The following GRM5 variants were observed in gnomAD, a reference collection of about 807,000 sequenced individuals.
GRM5 encodes glutamate metabotropic receptor 5.
In GRM5, 19 loss-of-function variants were observed where a neutral mutation model predicts 83.1. That is an observed-to-expected ratio of 0.23 (90% CI 0.16 to 0.34). GRM5 has a LOEUF of 0.34. Ranked by LOEUF, GRM5 falls within the 10% of genes least tolerant of loss-of-function variation. The pLI, the probability that GRM5 is intolerant of heterozygous loss-of-function variation, is 1.00. For synonymous variants in GRM5, 675 were observed against 633.6 expected, an observed-to-expected ratio of 1.07 and a Z score of -0.98; for missense variants, 1,160 against 1,588.3, an observed-to-expected ratio of 0.73 and a Z score of 4.58.
chr11:88,850,323 C>A (rs1167010167), intron 2 of GRM5, among the ~76,000 whole-genome samples, 168 bp from the exon 3 acceptor site: 1 of 152,076 alleles, frequency 6.6e-6, no homozygotes, highest in African/African-American at 2.4e-5. Flanking sequence ...TTATTTTGGG[C>A]AAATTACAAT....
intron 2 of GRM5, among the ~76,000 whole-genome samples, chr11:89,020,246 G>A (rs953535368): frequency 6.6e-6 from 1 of 152,192 alleles, no homozygotes; most frequent in Non-Finnish European, 1.5e-5. Context: ...TTTAAGCCCA[G>A]GTGTTTGGAC....
chr11:88,767,924 A>G (rs1237318689), intron 3 of GRM5, among the ~76,000 whole-genome samples: 1 of 152,010 alleles, frequency 6.6e-6, no homozygotes, highest in Non-Finnish European at 1.5e-5. Flanking sequence ...CAACACTATA[A>G]AAAGAAAAAA....
intron 3 of GRM5, among the ~76,000 whole-genome samples, chr11:88,711,168 T>A (rs914200181): frequency 3.9e-5 from 6 of 152,012 alleles, no homozygotes; most frequent in African/African-American, 1.4e-4. Flanking sequence ...GATACGAAAG[T>A]TTGAATGAAG....
intron 3 of GRM5, among the ~76,000 whole-genome samples, chr11:88,758,997 G>T (rs1942452894): frequency 6.6e-6 from 1 of 152,086 alleles, no homozygotes; most frequent in Non-Finnish European, 1.5e-5. Context: ...CTTCATACAT[G>T]AAGGAGAAAT....
intron 2 of GRM5, among the ~76,000 whole-genome samples, chr11:89,039,785 T>A (rs1378642768): frequency 2.0e-5 from 3 of 152,180 alleles, no homozygotes; most frequent in Non-Finnish European, 2.9e-5. Flanking sequence ...CCATTTGGGC[T>A]ACTCTCCTTT....
At chr11:88,582,017 C>G (rs1307509539) in intron 7 of GRM5, among the ~76,000 whole-genome samples, 2 of 152,152 alleles carry the variant, frequency 1.3e-5, no homozygotes, top group Non-Finnish European at 2.9e-5. Context: ...CGTTTACTCC[C>G]ATCCTAGCAC....
intron 2 of GRM5, among the ~76,000 whole-genome samples, chr11:89,033,462 G>T (rs916615961): frequency 1.3e-5 from 2 of 151,928 alleles, no homozygotes; most frequent in Non-Finnish European, 2.9e-5. Context: ...ATTAGAAATT[G>T]TGTACAATCT....
chr11:88,711,969 G>A (rs908783468), intron 3 of GRM5, among the ~76,000 whole-genome samples: 1 of 152,054 alleles, frequency 6.6e-6, no homozygotes, highest in African/African-American at 2.4e-5. Context: ...CAAGCATTAT[G>A]TCTCGTTCAT....
intron 3 of GRM5, among the ~76,000 whole-genome samples, chr11:88,746,473 C>T (rs1472473039): frequency 6.6e-6 from 1 of 151,514 alleles, no homozygotes; most frequent in Non-Finnish European, 1.5e-5. Context: ...ATATCATATA[C>T]AAACAAACAA....
chr11:88,634,557 C>T (rs1317458947), intron 4 of GRM5, among the ~76,000 whole-genome samples: 1 of 151,992 alleles, frequency 6.6e-6, no homozygotes, highest in Non-Finnish European at 1.5e-5. Flanking sequence ...TCACTGTCTC[C>T]CACCTCCACA....
intron 8 of GRM5, among the ~76,000 whole-genome samples, chr11:88,537,176 A>C (rs1433502837): frequency 6.6e-6 from 1 of 152,202 alleles, no homozygotes; most frequent in Non-Finnish European, 1.5e-5. Context: ...CATGAAGTTA[A>C]TAGTGTATAC....
At chr11:89,025,955 A>G (rs1941120767) in intron 2 of GRM5, among the ~76,000 whole-genome samples, 1 of 152,254 alleles carries the variant, frequency 6.6e-6, no homozygotes, top group Non-Finnish European at 1.5e-5. Context: ...ACTGTGGAGT[A>G]GATTTAAAAA....
chr11:88,535,717 A>G (rs1180107280), intron 8 of GRM5, among the ~76,000 whole-genome samples: 1 of 152,028 alleles, frequency 6.6e-6, no homozygotes, highest in Non-Finnish European at 1.5e-5. Context: ...TTGTTATAGC[A>G]TTTACTTAGG....
intron 8 of GRM5, among the ~76,000 whole-genome samples, chr11:88,539,682 A>G (rs1214217155): frequency 6.6e-6 from 1 of 152,148 alleles, no homozygotes. Context: ...CTTTTAAGTT[A>G]ATGCATCTTT....
rs1484402522 is a variant in GRM5, at chr11:88,780,858, C to G, written c.911+69048G>C. Among the ~76,000 whole-genome samples, 4 of 152,104 alleles carry G rather than the reference C, an allele frequency of 2.6e-5. No homozygotes were observed. The East Asian group carries it at 7.7e-4, about 29-fold the overall frequency. ...TGAAAAAGTGTTCAGTATAACTTCT[C>G]AGAAGCAAATTCCAATTACCAAGGG... On this transcript the variant is annotated intron_variant, in intron 3 of 9. Coordinates refer to ENST00000305447, the MANE Select transcript of GRM5 (RefSeq NM_001143831.3).
At chr11:88,935,051 T>A (rs586488) in intron 2 of GRM5, among the ~76,000 whole-genome samples, 80,543 of 151,662 alleles carry the variant, frequency 0.53, 22,063 homozygotes, top group South Asian at 0.67. Flanking sequence ...AATTCTCACA[T>A]GAACACTATA....
intron 2 of GRM5, among the ~76,000 whole-genome samples, chr11:88,953,217 C>G (rs1261707462): frequency 6.6e-6 from 1 of 152,158 alleles, no homozygotes; most frequent in African/African-American, 2.4e-5. Context: ...GAGAAAGGAT[C>G]AAGACACAAT....
chr11:89,055,654 A>G (rs1207112974), intron 1 of GRM5, among the ~76,000 whole-genome samples: 2 of 151,874 alleles, frequency 1.3e-5, no homozygotes, highest in Non-Finnish European at 2.9e-5. Flanking sequence ...CTCTTATATA[A>G]TTTTCAAAGC....
At chr11:88,626,153 C>T (rs915638433) in intron 4 of GRM5, among the ~76,000 whole-genome samples, 2 of 152,110 alleles carry the variant, frequency 1.3e-5, no homozygotes, top group Non-Finnish European at 2.9e-5. Context: ...TAACAACTTG[C>T]CCAAGGTTAC....
Sources: allele counts gnomAD v4.1 joint callset (sites outside exome capture counted in the v4.1 genomes callset), GRCh38; gene constraint gnomAD v4.1.1; transcripts MANE v1.5; gene names NCBI Gene and HGNC (gene_info 2026-07-23, HGNC 2026-07-21).